Variants in TNFAIP8L3 observed in about 807,000 individuals in gnomAD.
The protein encoded by TNFAIP8L3 is tumor necrosis factor alpha-induced protein 8-like protein 3.
A neutral mutation model predicts 11.8 loss-of-function variants in TNFAIP8L3; 7 were observed. The ratio of observed to expected loss-of-function variants is 0.59; its 90% CI spans 0.34 to 1.11. The LOEUF is 1.11. Ranked by LOEUF, TNFAIP8L3 falls within the 50% of genes most tolerant of loss-of-function variation. TNFAIP8L3 has a pLI of 0.03. For missense variants in TNFAIP8L3, 219 were observed against 258.6 expected, an observed-to-expected ratio of 0.85 and a Z score of 1.05; for synonymous variants, 98 against 103.8, an observed-to-expected ratio of 0.94 and a Z score of 0.34.
chr15:51,095,110 T>C (rs1379032342), upstream of TNFAIP8L3, among the ~76,000 whole-genome samples: 1 of 151,530 alleles, frequency 6.6e-6, no homozygotes, highest in Non-Finnish European at 1.5e-5. Flanking sequence ...AAAGGAGAGG[T>C]TCCGAGTGTT....
intron 1 of TNFAIP8L3, 142 bp from the exon 2 acceptor site, chr15:51,058,585 C>T (rs1400577473): frequency 4.1e-6 from 3 of 734,800 alleles, no homozygotes; most frequent in Non-Finnish European, 6.3e-6. Flanking sequence ...CCTAACTAAA[C>T]CCCACCCCAG....
intron 1 of TNFAIP8L3, among the ~76,000 whole-genome samples, chr15:51,076,295 G>C (rs1265799527): frequency 6.6e-6 from 1 of 152,150 alleles, no homozygotes; most frequent in African/African-American, 2.4e-5. Flanking sequence ...GATCTCCTGA[G>C]GTTGGGCTCC....
At chr15:51,100,799 G>A (rs1183136926) in intron 1 of TNFAIP8L3, among the ~76,000 whole-genome samples, 1 of 152,148 alleles carries the variant, frequency 6.6e-6, no homozygotes, top group Admixed American at 6.5e-5. Flanking sequence ...TGACTGGATG[G>A]ATGTCCTTAA....
chr15:51,104,668 G>C (rs1595624986), intron 1 of TNFAIP8L3, among the ~76,000 whole-genome samples: 1 of 152,310 alleles, frequency 6.6e-6, no homozygotes, highest in South Asian at 2.1e-4. Flanking sequence ...TGGAGGTTTT[G>C]GCTCTCTGAC....
intron 1 of TNFAIP8L3, among the ~76,000 whole-genome samples, chr15:51,090,407 T>C (rs2065460220): frequency 6.6e-6 from 1 of 152,140 alleles, no homozygotes; most frequent in East Asian, 1.9e-4. Flanking sequence ...CTGCCAGATG[T>C]ACATTCTGAA....
intron 1 of TNFAIP8L3, among the ~76,000 whole-genome samples, chr15:51,066,954 C>A (rs1027519397): frequency 1.3e-4 from 20 of 152,038 alleles, no homozygotes; most frequent in Admixed American, 3.3e-4. Context: ...AAAGAAAGAA[C>A]ATGGAGCTGG....
At chr15:51,090,134 T>G (rs1163047749) in intron 1 of TNFAIP8L3, among the ~76,000 whole-genome samples, 1 of 152,194 alleles carries the variant, frequency 6.6e-6, no homozygotes, top group East Asian at 1.9e-4. Context: ...GCAGCGTCTG[T>G]GGGGTGGGGG....
upstream of TNFAIP8L3, among the ~76,000 whole-genome samples, chr15:51,099,411 A>C (rs959170068): frequency 6.6e-6 from 1 of 152,122 alleles, no homozygotes; most frequent in Non-Finnish European, 1.5e-5. Flanking sequence ...GTGACTCAAA[A>C]GCACTGATAC....
In TNFAIP8L3 at chr15:51,057,241, A is replaced by C. The variant is rs941824859; in HGVS notation, c.*640T>G. 1 of 152,058 alleles carries C rather than the reference A, an allele frequency of 6.6e-6. No homozygotes were observed. Among genetic ancestry groups the C allele is most frequent in the Non-Finnish European group, 1.5e-5 (1 of 68,028 alleles). The allele number at this position is 152,058 out of a possible 1,614,324, so 9.4% of individuals were successfully genotyped here. A position where few individuals can be genotyped will look rare whatever the true frequency, so the allele number is the denominator to read the frequency against. Reference sequence around the variant, plus strand: ...ACGACTCTTGAAACACATTTTTCCAATTTGCAGCTATACTTTTTCACACCT... The same window carrying C: ...ACGACTCTTGAAACACATTTTTCCACTTTGCAGCTATACTTTTTCACACCT... On this transcript the variant is annotated 3_prime_UTR_variant, in exon 2 of 2. Coordinates refer to ENST00000637513, the MANE Select transcript of TNFAIP8L3 (RefSeq NM_001311175.2).
chr15:51,093,017 C>G (rs999628160), intron 1 of TNFAIP8L3, among the ~76,000 whole-genome samples: 1 of 152,192 alleles, frequency 6.6e-6, no homozygotes, highest in African/African-American at 2.4e-5. Context: ...CCCCTTCCCG[C>G]TTGCGCTCTC....
chr15:51,076,152 G>C (rs2065348064), intron 1 of TNFAIP8L3, among the ~76,000 whole-genome samples: 1 of 152,154 alleles, frequency 6.6e-6, no homozygotes, highest in Non-Finnish European at 1.5e-5. Context: ...AGTAAAACTG[G>C]TTTTGTTTAC....
intron 1 of TNFAIP8L3, among the ~76,000 whole-genome samples, chr15:51,101,547 G>A (rs151034146): frequency 0.014 from 2,123 of 151,924 alleles, 59 homozygotes; most frequent in African/African-American, 0.049. Flanking sequence ...TTTGAACCCG[G>A]GAGGTTGAGG....
intron 1 of TNFAIP8L3, among the ~76,000 whole-genome samples, chr15:51,100,262 G>A (rs1314273446): frequency 6.6e-6 from 1 of 152,200 alleles, no homozygotes; most frequent in African/African-American, 2.4e-5. Flanking sequence ...TTGCTGCTAG[G>A]TGGATCTGGA....
At chr15:51,064,435 C>T (rs574571934) in intron 1 of TNFAIP8L3, among the ~76,000 whole-genome samples, 1 of 151,996 alleles carries the variant, frequency 6.6e-6, no homozygotes, top group African/African-American at 2.4e-5. Context: ...TTTGTTTAGT[C>T]CACCACTTCT....
intron 1 of TNFAIP8L3, among the ~76,000 whole-genome samples, chr15:51,091,169 A>G (rs1276006255): frequency 6.6e-6 from 1 of 152,220 alleles, no homozygotes; most frequent in Non-Finnish European, 1.5e-5. Context: ...CAGGCAGCAC[A>G]ATGACATAGA....
intron 1 of TNFAIP8L3, among the ~76,000 whole-genome samples, chr15:51,076,828 G>A (rs2065353978): frequency 6.6e-6 from 1 of 152,192 alleles, no homozygotes. Flanking sequence ...TGTTAAATGA[G>A]AAAGCAGACT....
At chr15:51,065,257 A>T (rs2065263137) in intron 1 of TNFAIP8L3, among the ~76,000 whole-genome samples, 1 of 152,210 alleles carries the variant, frequency 6.6e-6, no homozygotes, top group African/African-American at 2.4e-5. Flanking sequence ...ACACACCAGG[A>T]CTATGTTGGG....
At chr15:51,070,212 A>G (rs2065299325) in intron 1 of TNFAIP8L3, among the ~76,000 whole-genome samples, 2 of 152,242 alleles carry the variant, frequency 1.3e-5, no homozygotes, top group Admixed American at 6.5e-5. Flanking sequence ...TGGGGGGTGA[A>G]TCATCTCCAA....
chr15:51,059,750 T>C (rs2065231123), intron 1 of TNFAIP8L3, among the ~76,000 whole-genome samples: 1 of 152,270 alleles, frequency 6.6e-6, no homozygotes, highest in Non-Finnish European at 1.5e-5. Context: ...CTTTTGAGAA[T>C]TGAGGGTCCT....
Sources: gnomAD v4.1 joint callset for allele counts (sites outside exome capture counted in the v4.1 genomes callset) on GRCh38, gnomAD v4.1.1 for gene constraint, MANE v1.5 for transcripts, NCBI Gene and HGNC (gene_info 2026-07-23, HGNC 2026-07-21) for gene names.